XIRP2: variants seen among roughly 807,000 people sequenced by gnomAD.
XIRP2 encodes xin actin-binding repeat-containing protein 2.
Under a neutral mutation model 277.0 loss-of-function variants are expected in XIRP2, and 236 were observed. The ratio of observed to expected loss-of-function variants is 0.85; its 90% CI spans 0.77 to 0.95. The LOEUF (loss-of-function observed/expected upper bound fraction) is 0.95. XIRP2 is among the 40% of genes least tolerant of loss of function. The probability of loss-of-function intolerance (pLI) is 0.00; values close to 1 mark genes in which losing one functional copy is unlikely to be tolerated. For synonymous variants in XIRP2, 1,490 were observed against 1,416.5 expected (o/e 1.05, Z -1.17); for missense variants, 4,640 against 4,157.5 (o/e 1.12, Z -3.19).
In XIRP2 at chr2:167,246,746, T is replaced by C. The variant is rs779770045; in HGVS notation, c.5354T>C (p.Val1785Ala). 6.8e-6 allele frequency: 11 copies of C among 1,613,662 alleles called. No homozygotes were observed. The highest frequency in any genetic ancestry group is 1.1e-5 in the South Asian group (1 of 91,074). Reference protein sequence around the residue: ...EGEKEIIGGDVEGTKLLLKKR... With the variant: ...EGEKEIIGGDAEGTKLLLKKR... ...GAGAAAGAAATCATTGGTGGTGATG[T>C]TGAAGGTACAAAACTGTTACTGAAG... The change falls in exon 9 of 11, where the codon GTT becomes GCT. Residue 1785 changes from valine (V) to alanine (A), a missense_variant. Physicochemically the swap from Val to Ala is moderately conservative, Grantham distance 64. Transcript: ENST00000409195.
In XIRP2 at chr2:167,161,589, G is replaced by T. The variant is rs534066252; in HGVS notation, c.562+25527G>T. ...CCTTCCAGCCACAGCTGGAGTAGCTGGGACATAGGGCACCAAGCCCCTAGG... is the reference window on the plus strand; with the variant it reads ...CCTTCCAGCCACAGCTGGAGTAGCTTGGACATAGGGCACCAAGCCCCTAGG... On this transcript the variant is annotated intron_variant, in intron 3 of 10. Transcript: ENST00000409195. Among the ~76,000 whole-genome samples the T allele has an allele frequency of 2.9e-3, 439 of 152,282 alleles. 1 individual carries two copies. Among genetic ancestry groups the T allele is most frequent in the Non-Finnish European group, 5.1e-3 (346 of 68,012 alleles).
chr2:167,084,128 T>G (rs1002330316), intron 2 of XIRP2, among the ~76,000 whole-genome samples: 2 of 152,158 alleles, frequency 1.3e-5, no homozygotes, highest in Non-Finnish European at 2.9e-5. Context: ...AATACCTAAT[T>G]TATTGAGAGT....
intron 2 of XIRP2, among the ~76,000 whole-genome samples, chr2:167,003,180 T>G (rs1184552161): frequency 6.6e-6 from 1 of 151,444 alleles, no homozygotes; most frequent in East Asian, 1.9e-4. Context: ...ATACAAAAAA[T>G]CCCTATTTAT....
intron 3 of XIRP2, among the ~76,000 whole-genome samples, chr2:167,153,440 G>A (rs866003564): frequency 6.6e-6 from 1 of 150,980 alleles, no homozygotes; most frequent in Admixed American, 6.6e-5. Flanking sequence ...TAAGTTTTAG[G>A]GTACATGTGC....
Position 167,169,160 on chromosome 2 carries a change from A to G in XIRP2, c.562+33098A>G, listed in dbSNP as rs550809288. 3.9e-5 allele frequency among the ~76,000 whole-genome samples: 6 copies of G among 152,326 alleles called. No homozygotes were observed. The East Asian group carries it at 1.2e-3, about 29-fold the overall frequency. On this transcript the variant is annotated intron_variant, in intron 3 of 10. Coordinates refer to ENST00000409195, the MANE Select transcript of XIRP2 (RefSeq NM_152381.6). The stretch of plus-strand genomic sequence containing the variant: ...ATAGTCCTATGATTAGGCTCTGGTT[A>G]AATAGTTTCTCCTTGACGGCAAACT...
At chr2:167,121,447 C>G (rs962045217) in intron 2 of XIRP2, among the ~76,000 whole-genome samples, 1 of 152,244 alleles carries the variant, frequency 6.6e-6, no homozygotes, top group Non-Finnish European at 1.5e-5. Flanking sequence ...ACTTTGCATG[C>G]TAACACCTAA....
chr2:167,078,663 T>C (rs930834190), intron 2 of XIRP2, among the ~76,000 whole-genome samples: 3 of 151,842 alleles, frequency 2.0e-5, no homozygotes, highest in Admixed American at 1.3e-4. Context: ...GGTGAAACCC[T>C]GTCTCTACTA....
chr2:167,245,374 G>A lies in XIRP2; in HGVS notation c.3982G>A (p.Glu1328Lys), dbSNP rs1054997315. ...TQPLYAIQDR[E>K]GSYHEVTTVK... Reference sequence around the variant, plus strand: ...GCCACTCTATGCAATTCAAGACCGAGAAGGGTCCTATCATGAAGTGACCAC... The same window carrying A: ...GCCACTCTATGCAATTCAAGACCGAAAAGGGTCCTATCATGAAGTGACCAC... Residue 1328 changes from glutamate (E) to lysine (K), a missense_variant, in exon 9 of 11, where the codon GAA (glutamate) becomes AAA (lysine). Glu to Lys is a moderately conservative substitution (Grantham distance 56). Coordinates refer to ENST00000409195, the MANE Select transcript of XIRP2 (RefSeq NM_152381.6). 3.1e-6 allele frequency: 5 copies of A among 1,613,596 alleles called. No individual in the cohort carries two copies. Among genetic ancestry groups the A allele is most frequent in the Non-Finnish European group, 4.2e-6 (5 of 1,179,740 alleles).
chr2:166,898,989 G>A (rs1175833318), intron 1 of XIRP2, among the ~76,000 whole-genome samples: 1 of 152,006 alleles, frequency 6.6e-6, no homozygotes, highest in African/African-American at 2.4e-5. Context: ...TTTATGCCTT[G>A]GGCATTTACA....
rs535719532 is a variant in XIRP2 at position 167,004,814 on chromosome 2, A to G, written c.408+100924A>G. Among the ~76,000 whole-genome samples the G allele has an allele frequency of 1.1e-3, 164 of 152,032 alleles. 1 individual carries two copies. The highest frequency in any genetic ancestry group is 4.3e-3 in the South Asian group (21 of 4,830). On this transcript the variant is annotated intron_variant, in intron 2 of 10. Coordinates refer to ENST00000409195, the MANE Select transcript of XIRP2 (RefSeq NM_152381.6). ...AAAAGAGCAACAAAAATGATGAAAT[A>G]CAGAAACTAAGGCCAATCCACCCAT...
At chr2:166,903,941 AG>A (rs5836125) in intron 2 of XIRP2, 51 bp downstream of exon 2, 407,329 of 1,561,764 alleles carry the variant, frequency 0.26, 56,532 homozygotes, top group Admixed American at 0.34. Flanking sequence ...TTCCTTGCCT[AG>A]CCTACCATTT....
rs906201238 is a variant in XIRP2, at chr2:167,247,900, A to G, written c.6508A>G (p.Met2170Val). 5 of 1,613,518 alleles carry G rather than the reference A, an allele frequency of 3.1e-6. No homozygotes were observed. The highest frequency in any genetic ancestry group is 4.5e-5 in the East Asian group (2 of 44,836). Residue 2170 changes from methionine to valine, a missense_variant, in exon 9 of 11, where the codon ATG becomes GTG. Met to Val is a conservative substitution (Grantham distance 21, BLOSUM62 1). Transcript: ENST00000409195. The stretch of plus-strand genomic sequence containing the variant: ...CAGTCCCACCCAGCATCCAGTCAGC[A>G]TGCCAGTTGGAGGAACTTACGACCT... Reference protein sequence around the residue: ...KPSPTQHPVSMPVGGTYDLSG... With the variant: ...KPSPTQHPVSVPVGGTYDLSG...
chr2:167,183,778 T>C (rs1252096964), intron 3 of XIRP2, among the ~76,000 whole-genome samples: 1 of 152,044 alleles, frequency 6.6e-6, no homozygotes, highest in Non-Finnish European at 1.5e-5. Context: ...GACAATATTC[T>C]GTCTCTTTGC....
At chr2:166,936,304 G>A (rs1409656554) in intron 2 of XIRP2, among the ~76,000 whole-genome samples, 1 of 152,088 alleles carries the variant, frequency 6.6e-6, no homozygotes, top group African/African-American at 2.4e-5. Flanking sequence ...TGTAGATTCT[G>A]GATATTAGCC....
chr2:167,150,162 G>A (rs568906761), intron 3 of XIRP2, among the ~76,000 whole-genome samples: 6 of 151,646 alleles, frequency 4.0e-5, no homozygotes, highest in East Asian at 1.9e-4. Context: ...AAAAAAAATC[G>A]GTAGCACTAC....
chr2:167,225,169 T>C (rs543096361), intron 5 of XIRP2, among the ~76,000 whole-genome samples: 3 of 152,316 alleles, frequency 2.0e-5, no homozygotes, highest in East Asian at 3.9e-4. Flanking sequence ...TAGCATAGCA[T>C]TGCTTTTGAA....
rs1236089248 is a variant in XIRP2 at position 167,246,372 on chromosome 2, A to G, written c.4980A>G (p.Gln1660=). 1.9e-6 allele frequency: 3 copies of G among 1,613,358 alleles called. No individual in the cohort carries two copies. The highest frequency in any genetic ancestry group is 2.5e-6 in the Non-Finnish European group (3 of 1,179,682). ...AAGAGATAGTGAAAGGTGATGTACA[A>G]CAAGCAATAAAAAACCTGTTCTCTG... is the stretch of plus-strand genomic sequence containing the variant. ...EKEEIVKGDV[Q]QAIKNLFSEE... Residue 1660 remains glutamine (Q), a synonymous_variant, in exon 9 of 11, where the codon CAA becomes CAG. Transcript: ENST00000409195.
intron 1 of XIRP2, among the ~76,000 whole-genome samples, chr2:166,900,362 C>G (rs72882743): frequency 0.21 from 31,855 of 151,830 alleles, 4,001 homozygotes; most frequent in Admixed American, 0.28. Flanking sequence ...TTTGCTAAGG[C>G]TTTCCACTTT....
chr2:166,899,892 C>G (rs910828538), intron 1 of XIRP2, among the ~76,000 whole-genome samples: 2 of 152,048 alleles, frequency 1.3e-5, no homozygotes, highest in African/African-American at 2.4e-5. Context: ...CACCGCGCAA[C>G]GTGAATGCTG....
Sources: gnomAD v4.1 joint callset for allele counts (sites outside exome capture counted in the v4.1 genomes callset) on GRCh38, gnomAD v4.1.1 for gene constraint, MANE v1.5 for transcripts, NCBI Gene and HGNC (gene_info 2026-07-23, HGNC 2026-07-21) for gene names.